The following SYT17 variants were observed in gnomAD, a reference collection of about 807,000 sequenced individuals.
The protein encoded by SYT17 is synaptotagmin 17.
A neutral mutation model predicts 46.7 loss-of-function variants in SYT17; 22 were observed. The ratio of observed to expected loss-of-function variants is 0.47; its 90% CI spans 0.34 to 0.67. The LOEUF (loss-of-function observed/expected upper bound fraction) is 0.67. SYT17 is among the 30% of genes least tolerant of loss of function. The pLI is 0.01. For synonymous variants in SYT17, 251 were observed against 248.4 expected (o/e 1.01, Z -0.10); for missense variants, 519 against 612.8 (o/e 0.85, Z 1.62).
Position 19,265,457 on chromosome 16 carries a change from GTTT to G in SYT17, c.1229-1420_1229-1418del, listed in dbSNP as rs1969294900. 3.3e-5 allele frequency among the ~76,000 whole-genome samples: 5 copies of G among 152,212 alleles called. No individual in the cohort carries two copies. In the South Asian group the frequency reaches 1.0e-3, roughly 32 times the overall value. On this transcript the variant is annotated intron_variant, in intron 7 of 7. Transcript: ENST00000355377. ...CTTTTGGACGATGGATGGAGTTTTTGTTTTTATTTTTCCATTTTTCTTTTTTCT... is the reference window on the plus strand; with the variant it reads ...CTTTTGGACGATGGATGGAGTTTTTGTTATTTTTCCATTTTTCTTTTTTCT...
intron 4 of SYT17, among the ~76,000 whole-genome samples, chr16:19,181,103 G>T (rs1964538310): frequency 6.6e-6 from 1 of 152,186 alleles, no homozygotes; most frequent in African/African-American, 2.4e-5. Context: ...ATGGGATTGG[G>T]GGCTCCGTAT....
chr16:19,231,174 T>C (rs1189285140), intron 7 of SYT17, among the ~76,000 whole-genome samples: 1 of 152,182 alleles, frequency 6.6e-6, no homozygotes, highest in African/African-American at 2.4e-5. Flanking sequence ...GAGAAATCCC[T>C]AAATTTGAAA....
Position 19,169,281 on chromosome 16 carries a change from CT to C in SYT17, c.15+621del, listed in dbSNP as rs1454325066. ...GAAACGTCCCCCAAGAATCCTTGGG[CT>C]GAAATAATTCTGAAATAATTTCTAA... On this transcript the variant is annotated intron_variant, in intron 1 of 7. Coordinates refer to ENST00000355377, the MANE Select transcript of SYT17 (RefSeq NM_016524.4). Among the ~76,000 whole-genome samples, 3 of 147,088 alleles carry C rather than the reference CT, an allele frequency of 2.0e-5. No homozygotes were observed. In the East Asian group the frequency reaches 6.3e-4, roughly 31 times the overall value.
chr16:19,257,195 A>G (rs1471132454), intron 7 of SYT17, among the ~76,000 whole-genome samples: 1 of 152,182 alleles, frequency 6.6e-6, no homozygotes, highest in East Asian at 1.9e-4. Flanking sequence ...ACATGAAAAA[A>G]AAGTTCTGTC....
intron 3 of SYT17, among the ~76,000 whole-genome samples, chr16:19,179,182 C>T (rs1401185236): frequency 6.6e-6 from 1 of 152,078 alleles, no homozygotes; most frequent in Admixed American, 6.5e-5. Flanking sequence ...GGCTGGAGTA[C>T]AGTGGCACAA....
At chr16:19,265,634 CG>C (rs1365824044) in intron 7 of SYT17, among the ~76,000 whole-genome samples, 1 of 152,168 alleles carries the variant, frequency 6.6e-6, no homozygotes, top group Non-Finnish European at 1.5e-5. Context: ...TGCCTTTGCT[CG>C]GCTCACGCTG....
chr16:19,244,255 T>G (rs925320051), intron 7 of SYT17, among the ~76,000 whole-genome samples: 9 of 152,174 alleles, frequency 5.9e-5, no homozygotes, highest in Non-Finnish European at 1.3e-4. Flanking sequence ...ACTGTATCAG[T>G]TAAGGTGTGG....
intron 3 of SYT17, among the ~76,000 whole-genome samples, chr16:19,176,006 C>T (rs765962472): frequency 5.3e-5 from 8 of 152,092 alleles, no homozygotes; most frequent in Non-Finnish European, 1.0e-4. Context: ...GTCAGGTTGC[C>T]CCCTAGAGTT....
Position 19,173,483 on chromosome 16 carries a change from C to G in SYT17, c.87C>G (p.His29Gln). ...GLLLCRWTCR[H>Q]CCQKCYESSC... ...TGCTGTGCAGATGGACCTGCCGGCA[C>G]TGCTGTCAGAAGTGCTACGAGTCCA... Residue 29 changes from histidine (H) to glutamine (Q), a missense_variant, in exon 3 of 8, where the codon CAC becomes CAG. Physicochemically the swap from His to Gln is conservative, Grantham distance 24. Coordinates refer to ENST00000355377, the MANE Select transcript of SYT17 (RefSeq NM_016524.4). 1 of 1,613,410 alleles carries G rather than the reference C, an allele frequency of 6.2e-7. No homozygotes were observed. The highest frequency in any genetic ancestry group is 8.5e-7 in the Non-Finnish European group (1 of 1,179,934).
chr16:19,236,179 C>G (rs757699332), intron 7 of SYT17, among the ~76,000 whole-genome samples: 8 of 152,122 alleles, frequency 5.3e-5, no homozygotes, highest in Non-Finnish European at 7.3e-5. Flanking sequence ...GCACCATGGT[C>G]AAAGTCAGCC....
intron 7 of SYT17, among the ~76,000 whole-genome samples, chr16:19,252,578 G>C (rs1353762983): frequency 7.6e-6 from 1 of 131,388 alleles, no homozygotes; most frequent in Non-Finnish European, 1.5e-5. Flanking sequence ...AAAGCTGAAT[G>C]GTTCATCTAG....
chr16:19,222,237 A>G (rs1168611917), intron 5 of SYT17, among the ~76,000 whole-genome samples: 1 of 152,226 alleles, frequency 6.6e-6, no homozygotes, highest in African/African-American at 2.4e-5. Context: ...TGTGACGGAT[A>G]GATGGAGATT....
At chr16:19,225,047 A>C (rs1027287531) in intron 7 of SYT17, among the ~76,000 whole-genome samples, 2 of 152,208 alleles carry the variant, frequency 1.3e-5, no homozygotes, top group African/African-American at 4.8e-5. Flanking sequence ...ACTTGAGCCA[A>C]ATTTCCTCAG....
intron 7 of SYT17, among the ~76,000 whole-genome samples, chr16:19,233,969 GAGA>G (rs1205898827): frequency 6.6e-6 from 1 of 152,162 alleles, no homozygotes; most frequent in African/African-American, 2.4e-5. Context: ...GCCTAATAGA[GAGA>G]AGGTTGCATG....
intron 5 of SYT17, among the ~76,000 whole-genome samples, chr16:19,219,891 G>A (rs1473353441): frequency 6.6e-6 from 1 of 152,118 alleles, no homozygotes; most frequent in South Asian, 2.1e-4. Flanking sequence ...AAAATAAAAG[G>A]AAATATCACT....
intron 5 of SYT17, among the ~76,000 whole-genome samples, chr16:19,200,629 G>A (rs1256542567): frequency 6.6e-6 from 1 of 152,210 alleles, no homozygotes; most frequent in African/African-American, 2.4e-5. Context: ...CTCCATTCGA[G>A]TTTTATTTCT....
chr16:19,174,348 G>A (rs971413318), intron 3 of SYT17, among the ~76,000 whole-genome samples: 3 of 152,170 alleles, frequency 2.0e-5, no homozygotes, highest in Non-Finnish European at 2.9e-5. Context: ...CAAGAAGGTC[G>A]GGGCTGGGAA....
At position 19,173,500 on chromosome 16, in the gene SYT17, A is replaced by G. The variant is rs747974040; in HGVS notation, c.104A>G (p.Tyr35Cys). ...WTCRHCCQKC[Y>C]ESSCCQSSED... ...TGCCGGCACTGCTGTCAGAAGTGCTACGAGTCCAGCTGTTGCCAGTCAAGT... is the reference window on the plus strand; with the variant it reads ...TGCCGGCACTGCTGTCAGAAGTGCTGCGAGTCCAGCTGTTGCCAGTCAAGT... Residue 35 changes from tyrosine (Y) to cysteine (C), a missense_variant, in exon 3 of 8, where the codon TAC becomes TGC. Physicochemically the swap from Tyr to Cys is radical, Grantham distance 194. Coordinates refer to ENST00000355377, the MANE Select transcript of SYT17 (RefSeq NM_016524.4). 10 of 1,613,000 alleles carry G rather than the reference A, an allele frequency of 6.2e-6. No homozygotes were observed. The highest frequency in any genetic ancestry group is 7.6e-6 in the Non-Finnish European group (9 of 1,179,964).
intron 7 of SYT17, among the ~76,000 whole-genome samples, chr16:19,248,083 A>G (rs1312306681): frequency 6.6e-6 from 1 of 152,248 alleles, no homozygotes; most frequent in East Asian, 1.9e-4. Context: ...ACACCGCACA[A>G]AAAGAGAATA....
Sources: gnomAD v4.1 joint callset for allele counts (sites outside exome capture counted in the v4.1 genomes callset) on GRCh38, gnomAD v4.1.1 for gene constraint, MANE v1.5 for transcripts, NCBI Gene and HGNC (gene_info 2026-07-23, HGNC 2026-07-21) for gene names.